CUBN: variants seen among roughly 807,000 people sequenced by gnomAD.
CUBN encodes the protein cubilin, also known as 460 kDa receptor.
A neutral mutation model predicts 405.3 loss-of-function variants in CUBN; 282 were observed. That is an observed-to-expected ratio of 0.70 (90% CI 0.63 to 0.77). CUBN has a LOEUF of 0.77. CUBN is among the 30% of genes least tolerant of loss of function. The pLI is 0.00. For missense variants in CUBN, 4,514 were observed against 4,475.2 expected (o/e 1.01, Z -0.25); for synonymous variants, 1,684 against 1,617.0 (o/e 1.04, Z -0.99).
At chr10:16,978,333 A>C (rs1833157389) in intron 31 of CUBN, among the ~76,000 whole-genome samples, 1 of 152,196 alleles carries the variant, frequency 6.6e-6, no homozygotes, top group Non-Finnish European at 1.5e-5. Context: ...CAGAAACTTC[A>C]CACTACCTCA....
rs147883401 is a variant in CUBN at position 16,866,181 on chromosome 10, G to GA, written c.9454+3454dup. 4.0e-3 allele frequency among the ~76,000 whole-genome samples: 585 copies of GA among 147,496 alleles called. 5 individuals are homozygous for GA. The East Asian group carries it at 0.061, about 15-fold the overall frequency. ...AAGTGTTATAGAATACATCATTTTA[G>GA]AAAAAAAAAATGAAACAATGATGCT... On this transcript the variant is annotated intron_variant, in intron 59 of 66. Coordinates refer to ENST00000377833, the MANE Select transcript of CUBN (RefSeq NM_001081.4).
chr10:16,920,712 A>G (rs1347131452), intron 43 of CUBN, among the ~76,000 whole-genome samples: 1 of 152,208 alleles, frequency 6.6e-6, no homozygotes, highest in Non-Finnish European at 1.5e-5. Flanking sequence ...TTTCTAAAAA[A>G]CCAAAGCATT....
chr10:16,900,551 C>T (rs1248920519), intron 53 of CUBN, 74 bp downstream of exon 53: 3 of 1,177,412 alleles, frequency 2.5e-6, no homozygotes, highest in African/African-American at 1.5e-5. Context: ...AAAGTAGGTA[C>T]AAAATGTACA....
At chr10:17,095,082 G>C (rs1588638555) in intron 14 of CUBN, among the ~76,000 whole-genome samples, 1 of 152,010 alleles carries the variant, frequency 6.6e-6, no homozygotes, top group East Asian at 1.9e-4. Context: ...GAACAGAATA[G>C]AGAGCCCAGA....
chr10:16,964,469 G>A lies in CUBN; in HGVS notation c.4696-9921C>T, dbSNP rs146940048. Among the ~76,000 whole-genome samples the A allele has an allele frequency of 3.0e-3, 453 of 152,142 alleles. 1 individual carries two copies. Among genetic ancestry groups the A allele is most frequent in the Middle Eastern group, 0.01 (3 of 294 alleles). ...TGCATGTTTGTGTGTACATGAGTGCGTGTATATATTTGTATGTGTGTGTTT... is the reference window on the plus strand; with the variant it reads ...TGCATGTTTGTGTGTACATGAGTGCATGTATATATTTGTATGTGTGTGTTT... On this transcript the variant is annotated intron_variant, in intron 31 of 66. Coordinates refer to ENST00000377833, the MANE Select transcript of CUBN (RefSeq NM_001081.4).
At chr10:17,044,021 T>C (rs1478765671) in intron 25 of CUBN, 38 bp from the exon 26 acceptor site, 1 of 1,553,348 alleles carries the variant, frequency 6.4e-7, no homozygotes, top group Middle Eastern at 1.7e-4. Context: ...TGGTTGAGAC[T>C]ATAAACATTA....
At chr10:17,126,852 T>A (rs1837203349) in intron 3 of CUBN, 53 bp from the exon 4 acceptor site, 6 of 1,572,154 alleles carry the variant, frequency 3.8e-6, no homozygotes, top group Non-Finnish European at 5.3e-6. Flanking sequence ...GCATTGCACA[T>A]GTGATGTTAT....
chr10:17,034,914 T>C (rs1197785541), intron 27 of CUBN, among the ~76,000 whole-genome samples: 2 of 152,082 alleles, frequency 1.3e-5, no homozygotes, highest in African/African-American at 4.8e-5. Flanking sequence ...AGTGCAACTC[T>C]GGACTAATTC....
intron 36 of CUBN, among the ~76,000 whole-genome samples, chr10:16,941,388 A>C (rs909010964): frequency 2.6e-5 from 4 of 152,338 alleles, no homozygotes; most frequent in African/African-American, 9.6e-5. Flanking sequence ...GTAAATATAA[A>C]GGCTAGAAAC....
At chr10:17,114,238 A>T in intron 7 of CUBN, 49 bp from the exon 8 acceptor site, 1 of 1,591,290 alleles carries the variant, frequency 6.3e-7, no homozygotes, top group Admixed American at 1.7e-5. Context: ...AAAATCAGCA[A>T]GAAAAGCCTT....
At chr10:17,103,299 T>C (rs541224343) in intron 12 of CUBN, 62 bp from the exon 13 acceptor site, 3 of 981,750 alleles carry the variant, frequency 3.1e-6, no homozygotes, top group Middle Eastern at 2.1e-4. Flanking sequence ...GTTGGGCAAC[T>C]GTAACCCTGC....
At chr10:16,858,202 T>G (rs1437051180) in intron 59 of CUBN, among the ~76,000 whole-genome samples, 1 of 152,200 alleles carries the variant, frequency 6.6e-6, no homozygotes, top group African/African-American at 2.4e-5. Context: ...ATTGGAAAAC[T>G]CAACATAGTA....
intron 43 of CUBN, 51 bp downstream of exon 43, chr10:16,925,190 G>T: frequency 6.7e-7 from 1 of 1,482,460 alleles, no homozygotes; most frequent in Non-Finnish European, 9.4e-7. Flanking sequence ...TATCAAAGAA[G>T]ATCAAGCAAT....
chr10:16,925,286 T>C lies in CUBN; in HGVS notation c.6601A>G (p.Asn2201Asp), dbSNP rs755086097. The change falls in exon 43 of 67, where the codon AAT becomes GAT. Residue 2201 changes from asparagine (N) to aspartate (D), a missense_variant. By Grantham distance (23) the Asn-to-Asp change is conservative. Coordinates refer to ENST00000377833, the MANE Select transcript of CUBN (RefSeq NM_001081.4). ...TTGATTTTAAATCCTTGCCCTTCATTACTGTGATCAGAAATAAACTGAACA... is the reference window on the plus strand; with the variant it reads ...TTGATTTTAAATCCTTGCCCTTCATCACTGTGATCAGAAATAAACTGAACA... ...MFVQFISDHS[N>D]EGQGFKIKYE... 1 of 1,613,818 alleles carries C rather than the reference T, an allele frequency of 6.2e-7. No individual in the cohort carries two copies. The highest frequency in any genetic ancestry group is 1.7e-5 in the Admixed American group (1 of 59,988).
At chr10:16,864,653 CTTTCT>C (rs1840114791) in intron 59 of CUBN, among the ~76,000 whole-genome samples, 2 of 123,988 alleles carry the variant, frequency 1.6e-5, no homozygotes, top group Admixed American at 1.8e-4. Flanking sequence ...GTCTTTTTTT[CTTTCT>C]TTTTTTTTTT....
intron 50 of CUBN, among the ~76,000 whole-genome samples, chr10:16,905,234 A>G (rs1841522793): frequency 6.6e-6 from 1 of 152,188 alleles, no homozygotes; most frequent in Non-Finnish European, 1.5e-5. Context: ...TTACTGAGAA[A>G]AACGTGTCAG....
chr10:16,942,808 A>AGGAAG (rs1292802457), intron 36 of CUBN, among the ~76,000 whole-genome samples: 1 of 94,652 alleles, frequency 1.1e-5, no homozygotes, highest in South Asian at 4.0e-4. Context: ...GGAAGGGAAA[A>AGGAAG]GGAAGGGAAG....
Position 16,993,011 on chromosome 10 carries a change from G to A in CUBN, c.4169-2496C>T, listed in dbSNP as rs45626432. ...CAACTCCAGGGAGCACCGCTCACAG[G>A]ACATTCTATAACAGGATGCTTCCGG... On this transcript the variant is annotated intron_variant, in intron 28 of 66. Transcript: ENST00000377833. 3.6e-3 allele frequency among the ~76,000 whole-genome samples: 552 copies of A among 152,270 alleles called. 3 individuals are homozygous for A. Among genetic ancestry groups the A allele is most frequent in the Middle Eastern group, 6.8e-3 (2 of 294 alleles).
intron 31 of CUBN, among the ~76,000 whole-genome samples, chr10:16,964,204 T>A (rs532546778): frequency 6.6e-6 from 1 of 152,140 alleles, no homozygotes; most frequent in East Asian, 1.9e-4. Context: ...AGAAAAGCTA[T>A]ATAAAGGAAA....
Sources: gnomAD v4.1 joint callset for allele counts (sites outside exome capture counted in the v4.1 genomes callset) on GRCh38, gnomAD v4.1.1 for gene constraint, MANE v1.5 for transcripts, NCBI Gene and HGNC (gene_info 2026-07-23, HGNC 2026-07-21) for gene names.